ZNF746: variants seen among roughly 807,000 people sequenced by gnomAD.
ZNF746 encodes parkin-interacting substrate.
A neutral mutation model predicts 41.0 loss-of-function variants in ZNF746; 13 were observed. The observed-to-expected ratio is 0.32, with a 90% CI of 0.21 to 0.50. The LOEUF is 0.50. Among genes scored for constraint, ZNF746 ranks in the 20% least tolerant of loss-of-function variants. ZNF746 has a pLI of 0.98. For synonymous variants in ZNF746, 424 were observed against 396.2 expected (o/e 1.07, Z -0.83); for missense variants, 811 against 922.9 (o/e 0.88, Z 1.57).
At position 149,473,935 on chromosome 7, in the gene ZNF746, G is replaced by A; in HGVS notation, c.*449C>T. On this transcript the variant is annotated 3_prime_UTR_variant, in exon 7 of 7. Coordinates refer to ENST00000458143, the MANE Select transcript of ZNF746 (RefSeq NM_001394198.1). ...ACTCAGCCCAACTGGGCAGAGCAGGGGCACACACAGGACCCCATCCCCAGG... is the reference window on the plus strand; with the variant it reads ...ACTCAGCCCAACTGGGCAGAGCAGGAGCACACACAGGACCCCATCCCCAGG... 2 of 232,048 alleles carry A rather than the reference G, an allele frequency of 8.6e-6. No homozygotes were observed. Among genetic ancestry groups the A allele is most frequent in the Non-Finnish European group, 1.7e-5 (2 of 116,464 alleles). 14.4% of individuals were successfully genotyped at this position (232,048 alleles called of 1,614,324 possible).
Position 149,497,475 on chromosome 7 carries a change from C to T in ZNF746, c.24+38G>A. On this transcript the variant is annotated intron_variant, in intron 1 of 6. Transcript: ENST00000458143. The surrounding 1 kb of genome is among the most constrained non-coding windows in gnomAD (Gnocchi z 4.2). ...GCCGGGGCCGGGCCGCCTGGGGCCC[C>T]CAGGCCGCGAGTCCCTGCGCGCGCG... 9.2e-7 allele frequency: 1 copy of T among 1,085,580 alleles called. No homozygotes were observed. The highest frequency in any genetic ancestry group is 1.1e-6 in the Non-Finnish European group (1 of 899,738). The allele number at this position is 1,085,580 out of a possible 1,614,324, so 67.2% of individuals were successfully genotyped here.
intron 4 of ZNF746, among the ~76,000 whole-genome samples, chr7:149,485,283 A>G (rs1800591104): frequency 6.6e-6 from 1 of 152,232 alleles, no homozygotes; most frequent in African/African-American, 2.4e-5. Flanking sequence ...ACATGACTGA[A>G]TATAGTAAAA....
At position 149,477,667 on chromosome 7, in the gene ZNF746, G is replaced by A. The variant is rs61746598; in HGVS notation, c.654C>T (p.Gly218=). The A allele has an allele frequency of 6.0e-3, 9,734 of 1,613,924 alleles. 544 individuals carry two copies. In the African/African-American group the frequency reaches 0.11, roughly 19 times the overall value. Residue 218 remains glycine (G), a synonymous_variant, in exon 5 of 7, where the codon GGC becomes GGT. Transcript: ENST00000458143. ...ELQLQEQQAL[G]VEAWAAGQPD... Reference sequence around the variant, plus strand: ...GCTGCCCGGCTGCCCACGCCTCCACGCCCAGGGCCTGCTGCTCCTGGAGCT... The same window carrying A: ...GCTGCCCGGCTGCCCACGCCTCCACACCCAGGGCCTGCTGCTCCTGGAGCT...
chr7:149,493,452 A>C (rs1800879594), intron 3 of ZNF746, among the ~76,000 whole-genome samples: 1 of 152,174 alleles, frequency 6.6e-6, no homozygotes, highest in Non-Finnish European at 1.5e-5. Flanking sequence ...CAGCCCAGGA[A>C]GAAACAGAGT....
intron 1 of ZNF746, among the ~76,000 whole-genome samples, chr7:149,495,485 A>C (rs1800964770): frequency 6.6e-6 from 1 of 152,178 alleles, no homozygotes; most frequent in African/African-American, 2.4e-5. Flanking sequence ...AAGAATGGGC[A>C]CATTTTGCGG....
chr7:149,477,282 A>G (rs371334576), intron 5 of ZNF746, among the ~76,000 whole-genome samples: 6 of 152,276 alleles, frequency 3.9e-5, no homozygotes, highest in African/African-American at 9.6e-5. Flanking sequence ...AGAGGCAGCC[A>G]GTGACTTCAA....
In ZNF746 at chr7:149,497,218, G is replaced by A. The variant is rs192008499; in HGVS notation, c.24+295C>T. 597 of 984,078 alleles carry A rather than the reference G, an allele frequency of 6.1e-4. 3 individuals are homozygous for A. The African/African-American group carries it at 8.1e-3, about 13-fold the overall frequency. 61.0% of individuals were successfully genotyped at this position (984,078 alleles called of 1,614,324 possible). The stretch of plus-strand genomic sequence containing the variant: ...GGGTGGGGGGGCACCCAGAAGGAGG[G>A]GACAGCGGCTGGGGCGGGGGCAGGA... On this transcript the variant is annotated intron_variant, in intron 1 of 6. Transcript: ENST00000458143. This position sits in a 1 kb window ranked among gnomAD's most constrained non-coding sequence, Gnocchi z 4.2.
chr7:149,495,729 A>G (rs1800974876), intron 1 of ZNF746, among the ~76,000 whole-genome samples: 2 of 152,246 alleles, frequency 1.3e-5, no homozygotes, highest in South Asian at 4.1e-4. Flanking sequence ...TGGACAGCTC[A>G]AAAAATAGAG....
At chr7:149,491,617 A>T (rs1204079807) in intron 4 of ZNF746, 4 of 486,146 alleles carry the variant, frequency 8.2e-6, no homozygotes, top group Non-Finnish European at 1.5e-5. Context: ...CCAGCCCGGA[A>T]CATGCTTCTG....
In ZNF746 at chr7:149,474,301, C is replaced by T. The variant is rs934095674; in HGVS notation, c.*83G>A. The T allele has an allele frequency of 9.2e-5, 138 of 1,498,796 alleles. No individual in the cohort carries two copies. The highest frequency in any genetic ancestry group is 1.2e-4 in the Non-Finnish European group (133 of 1,107,614). 92.8% of individuals were successfully genotyped at this position (1,498,796 alleles called of 1,614,324 possible). ...TTTGGTTCTCCCCGTCCCGCGTCTG[C>T]CTGAAGCTTCCACGCCGCCCTGCTG... On this transcript the variant is annotated 3_prime_UTR_variant, in exon 7 of 7. Coordinates refer to ENST00000458143, the MANE Select transcript of ZNF746 (RefSeq NM_001394198.1). This position sits in a 1 kb window ranked among gnomAD's most constrained non-coding sequence, Gnocchi z 6.3.
At position 149,475,120 on chromosome 7, in the gene ZNF746, A is replaced by T; in HGVS notation, c.1247T>A (p.Leu416His). 1 of 1,611,394 alleles carries T rather than the reference A, an allele frequency of 6.2e-7. No individual in the cohort carries two copies. The highest frequency in any genetic ancestry group is 8.5e-7 in the Non-Finnish European group (1 of 1,179,434). Reference protein sequence around the residue: ...GLNPRTGPEGLPYSSPDNGEA... With the variant: ...GLNPRTGPEGHPYSSPDNGEA... ...TCCGTTGTCCGGGGAGGAGTAAGGA[A>T]GCCCCTCGGGCCCCGTCCTCGGGTT... The change falls in exon 7 of 7, where the codon CTT (leucine) becomes CAT (histidine). Residue 416 changes from leucine to histidine, a missense_variant. Physicochemically the swap from Leu to His is moderately conservative, Grantham distance 99 (BLOSUM62 -3). Coordinates refer to ENST00000458143, the MANE Select transcript of ZNF746 (RefSeq NM_001394198.1).
intron 4 of ZNF746, among the ~76,000 whole-genome samples, chr7:149,484,713 A>G (rs530273525): frequency 1.3e-5 from 2 of 152,266 alleles, no homozygotes; most frequent in East Asian, 3.8e-4. Flanking sequence ...ATATTTAAAA[A>G]GAAAAAAATT....
chr7:149,474,148 G>T lies in ZNF746; in HGVS notation c.*236C>A. The stretch of plus-strand genomic sequence containing the variant: ...AAAAAACAAAAAACAAAACAGGTTT[G>T]CAATTAAATTACTTAAAATTCTACG... On this transcript the variant is annotated 3_prime_UTR_variant, in exon 7 of 7. Transcript: ENST00000458143. This position sits in a 1 kb window ranked among gnomAD's most constrained non-coding sequence, Gnocchi z 6.3. 1.9e-6 allele frequency: 1 copy of T among 536,890 alleles called. No individual in the cohort carries two copies. The highest frequency in any genetic ancestry group is 3.3e-6 in the Non-Finnish European group (1 of 306,202). 33.3% of individuals were successfully genotyped at this position (536,890 alleles called of 1,614,324 possible).
intron 1 of ZNF746, among the ~76,000 whole-genome samples, chr7:149,496,420 T>C (rs1374471535): frequency 1.3e-5 from 2 of 152,118 alleles, no homozygotes; most frequent in Non-Finnish European, 2.9e-5. Flanking sequence ...GAGGAGCTGA[T>C]GGTAAGAGGA....
In ZNF746 at chr7:149,497,414, C is replaced by T. The variant is rs563587104; in HGVS notation, c.24+99G>A. 1.8e-3 allele frequency: 1,839 copies of T among 1,021,992 alleles called. 59 individuals carry two copies. In the South Asian group the frequency reaches 0.065, roughly 36 times the overall value. The allele number at this position is 1,021,992 out of a possible 1,614,324, so 63.3% of individuals were successfully genotyped here. The stretch of plus-strand genomic sequence containing the variant: ...CCCAGGCCCGGTGGTCCGGCCCGGA[C>T]CCCGGAACCCCTCCCCAGGGCCTGC... On this transcript the variant is annotated intron_variant, in intron 1 of 6. Coordinates refer to ENST00000458143, the MANE Select transcript of ZNF746 (RefSeq NM_001394198.1). This position sits in a 1 kb window ranked among gnomAD's most constrained non-coding sequence, Gnocchi z 4.2.
At position 149,497,138 on chromosome 7, in the gene ZNF746, C is replaced by T. The variant is rs1247705670; in HGVS notation, c.24+375G>A. The T allele has an allele frequency of 2.4e-5, 24 of 984,644 alleles. No homozygotes were observed. Among genetic ancestry groups the T allele is most frequent in the Non-Finnish European group, 2.9e-5 (24 of 829,784 alleles). 61.0% of individuals were successfully genotyped at this position (984,644 alleles called of 1,614,324 possible). A position where few individuals can be genotyped will look rare whatever the true frequency, so the allele number is the denominator to read the frequency against. On this transcript the variant is annotated intron_variant, in intron 1 of 6. Transcript: ENST00000458143. The surrounding 1 kb of genome is among the most constrained non-coding windows in gnomAD (Gnocchi z 4.2). ...CCTCCCAGGTGCCACCAGGCCGCTGCGGGGGAGATGGAGAGGGACCTACAG... is the reference window on the plus strand; with the variant it reads ...CCTCCCAGGTGCCACCAGGCCGCTGTGGGGGAGATGGAGAGGGACCTACAG...
At position 149,497,501 on chromosome 7, in the gene ZNF746, G is replaced by C. The variant is rs1183587786; in HGVS notation, c.24+12C>G. ...CAGGCCGCGAGTCCCTGCGCGCGCGGGTCGCCCTTACCGGAGCCGCGACCG... is the reference window on the plus strand; with the variant it reads ...CAGGCCGCGAGTCCCTGCGCGCGCGCGTCGCCCTTACCGGAGCCGCGACCG... On this transcript the variant is annotated intron_variant, in intron 1 of 6. Coordinates refer to ENST00000458143, the MANE Select transcript of ZNF746 (RefSeq NM_001394198.1). This position sits in a 1 kb window ranked among gnomAD's most constrained non-coding sequence, Gnocchi z 4.2. 3.6e-6 allele frequency: 4 copies of C among 1,101,034 alleles called. No individual in the cohort carries two copies. Among genetic ancestry groups the C allele is most frequent in the Non-Finnish European group, 2.2e-6 (2 of 907,792 alleles). 68.2% of individuals were successfully genotyped at this position (1,101,034 alleles called of 1,614,324 possible).
Position 149,474,773 on chromosome 7 carries a change from C to T in ZNF746, c.1594G>A (p.Gly532Ser), listed in dbSNP as rs1800226478. 1.5e-5 allele frequency: 24 copies of T among 1,568,144 alleles called. No homozygotes were observed. Among genetic ancestry groups the T allele is most frequent in the Admixed American group, 3.7e-5 (2 of 53,712 alleles). The change falls in exon 7 of 7, where the codon GGC becomes AGC. Residue 532 changes from glycine to serine, a missense_variant. Transcript: ENST00000458143. This position sits in a 1 kb window ranked among gnomAD's most constrained non-coding sequence, Gnocchi z 6.3. ...DGSALRCGEC[G>S]RCFTRPAHLI... Reference sequence around the variant, plus strand: ...TGCGCGGGGCGCGTGAAGCAACGGCCGCACTCCCCACACCGAAGGGCGCTG... The same window carrying T: ...TGCGCGGGGCGCGTGAAGCAACGGCTGCACTCCCCACACCGAAGGGCGCTG...
At chr7:149,484,947 AC>A (rs2116660504) in intron 4 of ZNF746, among the ~76,000 whole-genome samples, 1 of 152,212 alleles carries the variant, frequency 6.6e-6, no homozygotes, top group Admixed American at 6.5e-5. Context: ...CAGAAAGAAA[AC>A]AAAAGAGGAA....
Sources: gnomAD v4.1 joint callset for allele counts (sites outside exome capture counted in the v4.1 genomes callset) on GRCh38, gnomAD v4.1.1 for gene constraint, Gnocchi (gnomAD v3.1) non-coding constraint, MANE v1.5 for transcripts, NCBI Gene and HGNC (gene_info 2026-07-23, HGNC 2026-07-21) for gene names.